SLC24A2: variants seen among roughly 807,000 people sequenced by gnomAD.
SLC24A2 encodes solute carrier family 24 member 2, also known as sodium/potassium/calcium exchanger 2.
Under a neutral mutation model 62.0 loss-of-function variants are expected in SLC24A2, and 36 were observed. That is an observed-to-expected ratio of 0.58 (90% confidence interval 0.44 to 0.77). SLC24A2 has a LOEUF of 0.77. Among genes scored for constraint, SLC24A2 ranks in the 30% least tolerant of loss-of-function variants. The pLI is 0.00. For synonymous variants in SLC24A2, 358 were observed against 294.0 expected (o/e 1.22, Z -2.23); for missense variants, 846 against 817.9 (o/e 1.03, Z -0.42).
chr9:19,895,858 A>C, the SLC24A2 span: 15 of 1,611,210 alleles, frequency 9.3e-6, no homozygotes, highest in Non-Finnish European at 1.2e-5. Flanking sequence ...GCCAGCAAAG[A>C]AGGGGTGCAG....
chr9:19,850,577 A>G, the SLC24A2 span, among the ~76,000 whole-genome samples: 15 of 152,106 alleles, frequency 9.9e-5, no homozygotes, highest in Admixed American at 5.2e-4. Context: ...GTTTTAGCAC[A>G]TATCCATTAT....
chr9:20,201,599 G>C, the SLC24A2 span, among the ~76,000 whole-genome samples: 8 of 152,232 alleles, frequency 5.3e-5, no homozygotes, highest in South Asian at 1.2e-3. Context: ...AGAAATGAAA[G>C]CATATTGAAT....
Position 19,655,809 on chromosome 9 carries a change from A to G in SLC24A2, c.931-33510T>C, listed in dbSNP as rs1019811675. 6.6e-5 allele frequency among the ~76,000 whole-genome samples: 10 copies of G among 152,084 alleles called. No individual in the cohort carries two copies. In the East Asian group the frequency reaches 1.2e-3, roughly 18 times the overall value. ...GAGGTTGCCTGAGTGCTGTGCTGAG[A>G]GCAATTTTGAGTTCATATCTGGCTG... On this transcript the variant is annotated intron_variant, in intron 2 of 10. Coordinates refer to ENST00000341998, the MANE Select transcript of SLC24A2 (RefSeq NM_020344.4).
At chr9:19,626,313 C>G (rs543169810) in intron 2 of SLC24A2, among the ~76,000 whole-genome samples, 2 of 152,344 alleles carry the variant, frequency 1.3e-5, no homozygotes, top group South Asian at 2.1e-4. Flanking sequence ...TAAGAGGATA[C>G]TAACATGTCC....
the SLC24A2 span, among the ~76,000 whole-genome samples, chr9:20,102,102 C>G: frequency 1.3e-5 from 2 of 152,150 alleles, no homozygotes; most frequent in South Asian, 2.1e-4. Flanking sequence ...GGTACTCACC[C>G]ATGGCCAGAT....
the SLC24A2 span, among the ~76,000 whole-genome samples, chr9:20,175,234 G>A: frequency 6.6e-6 from 1 of 151,838 alleles, no homozygotes; most frequent in Non-Finnish European, 1.5e-5. Flanking sequence ...GGACTCAGGG[G>A]GAAAGGTGGG....
At chr9:19,753,839 TTC>T (rs1297940561) in intron 2 of SLC24A2, among the ~76,000 whole-genome samples, 1 of 152,110 alleles carries the variant, frequency 6.6e-6, no homozygotes, top group East Asian at 1.9e-4. Context: ...TCCTTCAGAT[TTC>T]TCTCTGTCAC....
At chr9:19,884,773 A>G in the SLC24A2 span, among the ~76,000 whole-genome samples, 62,527 of 152,052 alleles carry the variant, frequency 0.41, 13,442 homozygotes, top group East Asian at 0.84. Flanking sequence ...CAACACTTTA[A>G]TATAAAATAG....
the SLC24A2 span, among the ~76,000 whole-genome samples, chr9:20,125,845 T>C: frequency 6.6e-6 from 1 of 152,184 alleles, no homozygotes. Flanking sequence ...TCCTTTCTGC[T>C]CTAGCAGGAC....
intron 2 of SLC24A2, among the ~76,000 whole-genome samples, chr9:19,744,950 TCTAA>T (rs1378765965): frequency 1.3e-5 from 2 of 152,308 alleles, no homozygotes; most frequent in East Asian, 1.9e-4. Flanking sequence ...CTAGGAAGTT[TCTAA>T]CTAGTTGATA....
the SLC24A2 span, among the ~76,000 whole-genome samples, chr9:20,065,507 G>A: frequency 1.3e-5 from 2 of 152,180 alleles, no homozygotes. Flanking sequence ...TTTCTCAAGG[G>A]CCCACATGAC....
intron 5 of SLC24A2, among the ~76,000 whole-genome samples, chr9:19,596,120 A>G (rs1244744542): frequency 6.6e-6 from 1 of 152,202 alleles, no homozygotes; most frequent in Non-Finnish European, 1.5e-5. Context: ...TGCAAAAGCC[A>G]GAGTGGAGAG....
At chr9:20,037,149 C>T in the SLC24A2 span, among the ~76,000 whole-genome samples, 3 of 151,586 alleles carry the variant, frequency 2.0e-5, no homozygotes, top group African/African-American at 4.8e-5. Context: ...CCACCCACCT[C>T]GGCCTCCCAA....
the SLC24A2 span, among the ~76,000 whole-genome samples, chr9:20,105,582 C>T: frequency 1.3e-5 from 2 of 152,152 alleles, no homozygotes; most frequent in South Asian, 4.2e-4. Flanking sequence ...ACTGAACAAC[C>T]TGCTCCTGAA....
At chr9:19,994,619 G>C in the SLC24A2 span, among the ~76,000 whole-genome samples, 1 of 152,114 alleles carries the variant, frequency 6.6e-6, no homozygotes, top group South Asian at 2.1e-4. Flanking sequence ...GCCAGGAGTT[G>C]GCATGCTATG....
At chr9:19,876,946 G>A in the SLC24A2 span, among the ~76,000 whole-genome samples, 1 of 152,078 alleles carries the variant, frequency 6.6e-6, no homozygotes, top group Non-Finnish European at 1.5e-5. Context: ...TCTTCATTAG[G>A]AGAAATATTT....
the SLC24A2 span, among the ~76,000 whole-genome samples, chr9:19,795,680 G>T: frequency 6.6e-6 from 1 of 152,006 alleles, no homozygotes; most frequent in Non-Finnish European, 1.5e-5. Flanking sequence ...TATCAGGGAA[G>T]AGGTGGATTT....
At chr9:19,520,594 T>C (rs542012102) in intron 10 of SLC24A2, among the ~76,000 whole-genome samples, 59 of 152,224 alleles carry the variant, frequency 3.9e-4, no homozygotes, top group African/African-American at 1.4e-3. Flanking sequence ...TATCACGGTA[T>C]CTCAGTTCCA....
intron 8 of SLC24A2, among the ~76,000 whole-genome samples, chr9:19,537,127 G>T (rs902219111): frequency 6.6e-6 from 1 of 151,106 alleles, no homozygotes; most frequent in African/African-American, 2.4e-5. Context: ...AGTAGGTTGC[G>T]AAAATTTTCT....
Sources: gnomAD v4.1 joint callset for allele counts (sites outside exome capture counted in the v4.1 genomes callset) on GRCh38, gnomAD v4.1.1 for gene constraint, MANE v1.5 for transcripts, NCBI Gene and HGNC (gene_info 2026-07-23, HGNC 2026-07-21) for gene names.